Variants in AHRR observed in about 807,000 individuals in gnomAD.
AHRR encodes ahR repressor.
A neutral mutation model predicts 44.0 loss-of-function variants in AHRR; 28 were observed. That is an observed-to-expected ratio of 0.64 (90% CI 0.47 to 0.87). AHRR has a LOEUF of 0.87. AHRR is among the 40% of genes least tolerant of loss of function. The pLI is 0.00. For missense variants in AHRR, 990 were observed against 953.9 expected (o/e 1.04, Z -0.50); for synonymous variants, 434 against 407.0 (o/e 1.07, Z -0.80).
chr5:390,565 AAG>A (rs1461714737), intron 4 of AHRR, among the ~76,000 whole-genome samples: 1 of 152,180 alleles, frequency 6.6e-6, no homozygotes, highest in Non-Finnish European at 1.5e-5. Flanking sequence ...GTAAAGGAAA[AAG>A]AGGTGGAAAT....
At chr5:372,290 T>A (rs1743605495) in intron 3 of AHRR, among the ~76,000 whole-genome samples, 1 of 151,984 alleles carries the variant, frequency 6.6e-6, no homozygotes, top group Non-Finnish European at 1.5e-5. Flanking sequence ...TGGGGCCTCA[T>A]GGAGGCATGT....
At chr5:366,664 C>T (rs1560893528) in intron 3 of AHRR, among the ~76,000 whole-genome samples, 2 of 152,222 alleles carry the variant, frequency 1.3e-5, no homozygotes, top group South Asian at 2.1e-4. Context: ...CCGAAAAGCC[C>T]AGCATTCACT....
intron 5 of AHRR, among the ~76,000 whole-genome samples, chr5:416,248 G>C (rs1735807378): frequency 6.6e-6 from 1 of 152,254 alleles, no homozygotes; most frequent in Admixed American, 6.5e-5. Context: ...ACGCAGTGCA[G>C]GGTGGAGACA....
rs765308393 is a variant in AHRR at position 432,455 on chromosome 5, C to T, written c.909-8C>T. The stretch of plus-strand genomic sequence containing the variant: ...CACATGTCACATGTTCATCTGTGTT[C>T]TTCACAGAGTAAAAGCCACCACCAG... On this transcript the variant is annotated splice_polypyrimidine_tract_variant and splice_region_variant and intron_variant, in intron 8 of 10. Coordinates refer to ENST00000684583, the MANE Select transcript of AHRR (RefSeq NM_001377236.1). 6.2e-7 allele frequency: 1 copy of T among 1,613,648 alleles called. No homozygotes were observed. The highest frequency in any genetic ancestry group is 2.2e-5 in the East Asian group (1 of 44,878).
Position 413,339 on chromosome 5 carries a change from T to A in AHRR, c.352-5T>A, listed in dbSNP as rs753777594. On this transcript the variant is annotated splice_polypyrimidine_tract_variant and splice_region_variant and intron_variant, in intron 4 of 10. Coordinates refer to ENST00000684583, the MANE Select transcript of AHRR (RefSeq NM_001377236.1). The stretch of plus-strand genomic sequence containing the variant: ...TTTTTTTTTTTGTTTTGTTTTTTCT[T>A]CTAGTCTCTTAATGGCTTTGCTCTG... 1 of 1,584,028 alleles carries A rather than the reference T, an allele frequency of 6.3e-7. No homozygotes were observed. The highest frequency in any genetic ancestry group is 8.6e-7 in the Non-Finnish European group (1 of 1,168,296).
At chr5:346,930 T>C (rs1742699472) in intron 2 of AHRR, among the ~76,000 whole-genome samples, 1 of 152,148 alleles carries the variant, frequency 6.6e-6, no homozygotes, top group Non-Finnish European at 1.5e-5. Context: ...AGTTGTTAGC[T>C]TGCAAGAGTT....
chr5:368,334 C>T (rs1430852868), intron 3 of AHRR, among the ~76,000 whole-genome samples: 6 of 152,142 alleles, frequency 3.9e-5, no homozygotes, highest in Admixed American at 2.0e-4. Flanking sequence ...GCTGTGGCCG[C>T]GTGGGGTTAG....
At chr5:416,646 C>A (rs1164476596) in intron 5 of AHRR, among the ~76,000 whole-genome samples, 1 of 152,224 alleles carries the variant, frequency 6.6e-6, no homozygotes, top group Non-Finnish European at 1.5e-5. Flanking sequence ...TGCTCAGATC[C>A]CATGGAGCTG....
chr5:363,589 A>C (rs1298764036), intron 3 of AHRR, among the ~76,000 whole-genome samples: 2 of 152,170 alleles, frequency 1.3e-5, no homozygotes, highest in African/African-American at 2.4e-5. Flanking sequence ...TTATTTCCAC[A>C]TGCAGCCTAG....
intron 5 of AHRR, among the ~76,000 whole-genome samples, chr5:416,904 G>C (rs112641674): frequency 6.6e-6 from 1 of 152,084 alleles, no homozygotes; most frequent in Admixed American, 6.6e-5. Context: ...CATATGTGCA[G>C]GTCCCGAGTC....
At position 395,008 on chromosome 5, in the gene AHRR, C is replaced by A. The variant is rs1278543858; in HGVS notation, c.351+18292C>A. On this transcript the variant is annotated intron_variant, in intron 4 of 10. Coordinates refer to ENST00000684583, the MANE Select transcript of AHRR (RefSeq NM_001377236.1). The surrounding 1 kb of genome is among the most constrained non-coding windows in gnomAD (Gnocchi z 5.3). ...GGCCCCAGCCTCCTGCTGTCGCCCCCCAGGCAGGGCTGTCTCGAGGCATCT... is the reference window on the plus strand; with the variant it reads ...GGCCCCAGCCTCCTGCTGTCGCCCCACAGGCAGGGCTGTCTCGAGGCATCT... Among the ~76,000 whole-genome samples the A allele has an allele frequency of 6.6e-6, 1 of 152,218 alleles. No individual in the cohort carries two copies. The highest frequency in any genetic ancestry group is 2.4e-5 in the African/African-American group (1 of 41,466).
In AHRR at chr5:388,334, G is replaced by C. The variant is rs1160136127; in HGVS notation, c.351+11618G>C. ...GCTCAGTGCGACTGCGCCTGGGGCT[G>C]CCCCAAGACTGTGAAGCTCATGGAC... On this transcript the variant is annotated intron_variant, in intron 4 of 10. Coordinates refer to ENST00000684583, the MANE Select transcript of AHRR (RefSeq NM_001377236.1). This position sits in a 1 kb window ranked among gnomAD's most constrained non-coding sequence, Gnocchi z 5.2. Among the ~76,000 whole-genome samples the C allele has an allele frequency of 6.6e-6, 1 of 152,240 alleles. No individual in the cohort carries two copies. Among genetic ancestry groups the C allele is most frequent in the Non-Finnish European group, 1.5e-5 (1 of 68,042 alleles).
At chr5:413,543 A>G in intron 5 of AHRR, 110 bp downstream of exon 5, 1 of 804,450 alleles carries the variant, frequency 1.2e-6, no homozygotes, top group African/African-American at 1.8e-5. Context: ...GGCTTTTCCT[A>G]TCACTGAGCT....
At chr5:375,807 A>G (rs1192578639) in intron 3 of AHRR, among the ~76,000 whole-genome samples, 1 of 152,140 alleles carries the variant, frequency 6.6e-6, no homozygotes, top group East Asian at 1.9e-4. Flanking sequence ...GCCCATGAGG[A>G]CACTGAGTGG....
Position 434,618 on chromosome 5 carries a change from C to T in AHRR, c.1878C>T (p.Pro626=). ...CACLEPTDGL[P]QSEPPHQLCA... ...GCCTGGAGCCCACAGACGGCCTTCC[C>T]CAGTCGGAGCCTCCCCACCAGCTCT... The change falls in exon 11 of 11, where the codon CCC becomes CCT. Residue 626 remains proline, a synonymous_variant. Coordinates refer to ENST00000684583, the MANE Select transcript of AHRR (RefSeq NM_001377236.1). 1 of 1,562,286 alleles carries T rather than the reference C, an allele frequency of 6.4e-7. No homozygotes were observed. Among genetic ancestry groups the T allele is most frequent in the African/African-American group, 1.4e-5 (1 of 73,712 alleles).
intron 3 of AHRR, 53 bp from the exon 4 acceptor site, chr5:376,557 A>AACGCGGGGAAACACAGGAAAGAG (rs368685976): frequency 3.5e-6 from 5 of 1,429,312 alleles, no homozygotes; most frequent in South Asian, 1.4e-5. Flanking sequence ...AATGAAGAAG[A>AACGCGGGGAAACACAGGAAAGAG]GTGGCCAGGC....
At chr5:347,079 C>T (rs189819353) in intron 2 of AHRR, among the ~76,000 whole-genome samples, 1 of 152,338 alleles carries the variant, frequency 6.6e-6, no homozygotes, top group East Asian at 1.9e-4. Flanking sequence ...CTCATCAGTT[C>T]CTCCTCCCCA....
chr5:343,686 G>A, intron 1 of AHRR: 1 of 531,560 alleles, frequency 1.9e-6, no homozygotes, highest in East Asian at 3.6e-5. Context: ...GCCCAGGCGT[G>A]ACCCGGCCCC....
rs761568250 is a variant in AHRR, at chr5:376,609, G to A, written c.245-1G>A. On this transcript the variant is annotated splice_acceptor_variant, in intron 3 of 10. Coordinates refer to ENST00000684583, the MANE Select transcript of AHRR (RefSeq NM_001377236.1). LOFTEE classifies it high-confidence loss of function. ...CTAATGTGTCTTTTCTTCTCTGACA[G>A]TCGTGCAGGAGCAGAGCTCACGGCA... is the stretch of plus-strand genomic sequence containing the variant. 8.7e-7 allele frequency: 1 copy of A among 1,147,782 alleles called. No individual in the cohort carries two copies. Among genetic ancestry groups the A allele is most frequent in the Non-Finnish European group, 1.1e-6 (1 of 896,246 alleles). 71.1% of individuals were successfully genotyped at this position (1,147,782 alleles called of 1,614,324 possible).
Sources: gnomAD v4.1 joint callset for allele counts (sites outside exome capture counted in the v4.1 genomes callset) on GRCh38, gnomAD v4.1.1 for gene constraint, Gnocchi (gnomAD v3.1) non-coding constraint, MANE v1.5 for transcripts, NCBI Gene and HGNC (gene_info 2026-07-23, HGNC 2026-07-21) for gene names.